The following GPR157 variants were observed in gnomAD, a reference collection of about 807,000 sequenced individuals.
GPR157 encodes G protein-coupled receptor 157.
A neutral mutation model predicts 23.5 loss-of-function variants in GPR157; 16 were observed. The ratio of observed to expected loss-of-function variants is 0.68; its 90% CI spans 0.46 to 1.04. The LOEUF (loss-of-function observed/expected upper bound fraction) is 1.04. Among genes scored for constraint, GPR157 ranks in the 50% least tolerant of loss-of-function variants. The pLI, the probability that GPR157 is intolerant of heterozygous loss-of-function variation, is 0.00. For missense variants in GPR157, 440 were observed against 460.7 expected (o/e 0.96, Z 0.41); for synonymous variants, 200 against 221.5 (o/e 0.90, Z 0.86).
chr1:9,128,823 G>T lies in GPR157; in HGVS notation c.205C>A (p.Leu69Met). ...CACGACGGGCCCGCGAAGTTCTGCA[G>T]CACTCCGTAGAAGTAGGAGGCGGCC... ...LSAASYFYGV[L>M]QNFAGPSWDC... Residue 69 changes from leucine (L) to methionine (M), a missense_variant, in exon 1 of 4, where the codon CTG (leucine) becomes ATG (methionine). By Grantham distance (15) the Leu-to-Met change is conservative. Transcript: ENST00000377411. The surrounding 1 kb of genome is among the most constrained non-coding windows in gnomAD (Gnocchi z 6.3). 1 of 1,609,086 alleles carries T rather than the reference G, an allele frequency of 6.2e-7. No homozygotes were observed. Among genetic ancestry groups the T allele is most frequent in the Non-Finnish European group, 8.5e-7 (1 of 1,178,120 alleles).
chr1:9,116,304 T>TAA (rs1557698155), intron 1 of GPR157, among the ~76,000 whole-genome samples: 539 of 11,164 alleles, frequency 0.048, 2 homozygotes, highest in East Asian at 0.083. Flanking sequence ...ATTATATATA[T>TAA]TATATTATAT....
chr1:9,103,119 A>G lies in GPR157; in HGVS notation c.*1300T>C, dbSNP rs958282139. On this transcript the variant is annotated 3_prime_UTR_variant, in exon 4 of 4. Transcript: ENST00000377411. ...GCTCCTTTTTTAAAAAAAAAAAAAA[A>G]AAAAAACTGACTCTGAAGCTTAAAA... 1 of 151,356 alleles carries G rather than the reference A, an allele frequency of 6.6e-6. No individual in the cohort carries two copies. Among genetic ancestry groups the G allele is most frequent in the Non-Finnish European group, 1.5e-5 (1 of 67,858 alleles). The allele number at this position is 151,356 out of a possible 1,614,324, so 9.4% of individuals were successfully genotyped here.
At chr1:9,109,231 T>C (rs1414860357) in intron 2 of GPR157, among the ~76,000 whole-genome samples, 1 of 151,620 alleles carries the variant, frequency 6.6e-6, no homozygotes, top group Non-Finnish European at 1.5e-5. Context: ...TCTAGGCACC[T>C]GCCACCACGC....
chr1:9,107,233 G>C (rs1204047273), intron 2 of GPR157, among the ~76,000 whole-genome samples: 2 of 152,164 alleles, frequency 1.3e-5, no homozygotes, highest in Admixed American at 6.5e-5. Flanking sequence ...ACGTGAGCTC[G>C]AGCCAGACTT....
intron 1 of GPR157, among the ~76,000 whole-genome samples, chr1:9,123,070 C>T (rs561979679): frequency 4.8e-4 from 72 of 149,966 alleles, no homozygotes; most frequent in African/African-American, 1.8e-3. Flanking sequence ...GCAGGAGAGT[C>T]ACTTGAACAC....
At position 9,128,196 on chromosome 1, in the gene GPR157, G is replaced by C; in HGVS notation, c.383+449C>G. On this transcript the variant is annotated intron_variant, in intron 1 of 3. Transcript: ENST00000377411. This position sits in a 1 kb window ranked among gnomAD's most constrained non-coding sequence, Gnocchi z 6.3. ...GCTCGGGAGTGGCGGAGTGCACCAA[G>C]CTCACTGTGGCTTGGGGTGGGGTGG... 2.2e-6 allele frequency: 1 copy of C among 452,724 alleles called. No individual in the cohort carries two copies. The highest frequency in any genetic ancestry group is 6.6e-5 in the East Asian group (1 of 15,068). 28.0% of individuals were successfully genotyped at this position (452,724 alleles called of 1,614,324 possible).
intron 1 of GPR157, among the ~76,000 whole-genome samples, chr1:9,125,132 C>T (rs1638937466): frequency 6.6e-6 from 1 of 152,198 alleles, no homozygotes; most frequent in Non-Finnish European, 1.5e-5. Flanking sequence ...TCCCACAATA[C>T]CTTACTAGCT....
chr1:9,108,355 G>A (rs1202327999), intron 2 of GPR157, among the ~76,000 whole-genome samples: 4 of 152,154 alleles, frequency 2.6e-5, no homozygotes, highest in African/African-American at 7.2e-5. Flanking sequence ...CTTCGATCCC[G>A]TTTTTCTGAA....
At chr1:9,117,525 C>T (rs61785833) in intron 1 of GPR157, among the ~76,000 whole-genome samples, 16 of 152,270 alleles carry the variant, frequency 1.1e-4, no homozygotes, top group African/African-American at 3.1e-4. Context: ...TTTGGGAGGC[C>T]GAGGTGGGCA....
Position 9,113,332 on chromosome 1 carries a change from T to C in GPR157, c.384-1843A>G, listed in dbSNP as rs568367763. 3.3e-5 allele frequency among the ~76,000 whole-genome samples: 5 copies of C among 152,256 alleles called. No homozygotes were observed. The South Asian group carries it at 1.0e-3, about 32-fold the overall frequency. On this transcript the variant is annotated intron_variant, in intron 1 of 3. Transcript: ENST00000377411. ...ATAACTGTGAGATCAGAGTTCAACATGAATCTGAGGCCAGAATGAGGCCAG... is the reference window on the plus strand; with the variant it reads ...ATAACTGTGAGATCAGAGTTCAACACGAATCTGAGGCCAGAATGAGGCCAG...
intron 2 of GPR157, among the ~76,000 whole-genome samples, chr1:9,109,334 C>T (rs1307397068): frequency 2.6e-5 from 4 of 152,086 alleles, no homozygotes; most frequent in Non-Finnish European, 4.4e-5. Context: ...CTACCTGCCT[C>T]GGCCTCCCAA....
chr1:9,100,725 G>A lies in GPR157; in HGVS notation c.*3694C>T, dbSNP rs1328297375. ...CAGATGAACATTAACCACACTAACA[G>A]AGGAGAAAGAAGCCCACTGGGGCTG... On this transcript the variant is annotated 3_prime_UTR_variant, in exon 4 of 4. Coordinates refer to ENST00000377411, the MANE Select transcript of GPR157 (RefSeq NM_024980.5). The A allele has an allele frequency of 6.6e-6, 1 of 152,284 alleles. No individual in the cohort carries two copies. Among genetic ancestry groups the A allele is most frequent in the Non-Finnish European group, 1.5e-5 (1 of 68,076 alleles). 9.4% of individuals were successfully genotyped at this position (152,284 alleles called of 1,614,324 possible).
At chr1:9,123,746 T>A (rs577898918) in intron 1 of GPR157, among the ~76,000 whole-genome samples, 2 of 118,056 alleles carry the variant, frequency 1.7e-5, no homozygotes. Flanking sequence ...ATATTTAATA[T>A]TATATATTTA....
At chr1:9,108,690 C>G (rs939787108) in intron 2 of GPR157, among the ~76,000 whole-genome samples, 2 of 152,166 alleles carry the variant, frequency 1.3e-5, no homozygotes, top group African/African-American at 4.8e-5. Flanking sequence ...ACTCTGTCAC[C>G]CAGGCTGGAA....
In GPR157 at chr1:9,120,780, G is replaced by T. The variant is rs540330763; in HGVS notation, c.383+7865C>A. Among the ~76,000 whole-genome samples, 3 of 152,328 alleles carry T rather than the reference G, an allele frequency of 2.0e-5. No individual in the cohort carries two copies. The South Asian group carries it at 6.2e-4, about 32-fold the overall frequency. Reference sequence around the variant, plus strand: ...TCTCACACCTCCTGCCAAGTTGCTGGTGCTCAGCGCTCTGCCATGAGCTTC... The same window carrying T: ...TCTCACACCTCCTGCCAAGTTGCTGTTGCTCAGCGCTCTGCCATGAGCTTC... On this transcript the variant is annotated intron_variant, in intron 1 of 3. Coordinates refer to ENST00000377411, the MANE Select transcript of GPR157 (RefSeq NM_024980.5). This position sits in a 1 kb window ranked among gnomAD's most constrained non-coding sequence, Gnocchi z 4.1.
At position 9,103,082 on chromosome 1, in the gene GPR157, C is replaced by T. The variant is rs372802879; in HGVS notation, c.*1337G>A. On this transcript the variant is annotated 3_prime_UTR_variant, in exon 4 of 4. Coordinates refer to ENST00000377411, the MANE Select transcript of GPR157 (RefSeq NM_024980.5). ...CACGCACCACCACATCAGCTCCGGG[C>T]GACAGAATGAGGCTCCTTTTTTAAA... 5.8e-5 allele frequency: 7 copies of T among 121,710 alleles called. No homozygotes were observed. Among genetic ancestry groups the T allele is most frequent in the Admixed American group, 1.0e-4 (1 of 9,738 alleles). 7.5% of individuals were successfully genotyped at this position (121,710 alleles called of 1,614,324 possible).
At position 9,105,034 on chromosome 1, in the gene GPR157, A is replaced by AACACACACACAC. The variant is rs199973020; in HGVS notation, c.793-412_793-401dup. Among the ~76,000 whole-genome samples, 587 of 117,044 alleles carry AACACACACACAC rather than the reference A, an allele frequency of 5.0e-3. 6 individuals are homozygous for AACACACACACAC. Among genetic ancestry groups the AACACACACACAC allele is most frequent in the African/African-American group, 0.016 (471 of 29,868 alleles). 76.8% of individuals were successfully genotyped at this position (117,044 alleles called of 152,430 possible). ...CCCCAAAAAAGAGAAATGGCTGAGA[A>AACACACACACAC]ACACACACACACACACACACACACA... is the stretch of plus-strand genomic sequence containing the variant. On this transcript the variant is annotated intron_variant, in intron 3 of 3. Transcript: ENST00000377411. The surrounding 1 kb of genome is among the most constrained non-coding windows in gnomAD (Gnocchi z 4.8).
In GPR157 at chr1:9,105,573, G is replaced by A. The variant is rs377254004; in HGVS notation, c.705C>T (p.Ile235=). 37 of 1,609,090 alleles carry A rather than the reference G, an allele frequency of 2.3e-5. No homozygotes were observed. Among genetic ancestry groups the A allele is most frequent in the Admixed American group, 8.5e-5 (5 of 59,110 alleles). Residue 235 remains isoleucine (I), a synonymous_variant, in exon 3 of 4, where the codon ATC becomes ATT. Coordinates refer to ENST00000377411, the MANE Select transcript of GPR157 (RefSeq NM_024980.5). The surrounding 1 kb of genome is among the most constrained non-coding windows in gnomAD (Gnocchi z 4.8). ...KKLVLIPLIF[I]GLRVWSTVRF... ...GCACGGTGCTCCAGACCCTGAGGCCGATGAAGATGAGCGGGATGAGCACCA... is the reference window on the plus strand; with the variant it reads ...GCACGGTGCTCCAGACCCTGAGGCCAATGAAGATGAGCGGGATGAGCACCA...
chr1:9,101,981 A>G lies in GPR157; in HGVS notation c.*2438T>C, dbSNP rs1022573444. 6.6e-6 allele frequency: 1 copy of G among 152,162 alleles called. No individual in the cohort carries two copies. Among genetic ancestry groups the G allele is most frequent in the African/African-American group, 2.4e-5 (1 of 41,438 alleles). The allele number at this position is 152,162 out of a possible 1,614,324, so 9.4% of individuals were successfully genotyped here. On this transcript the variant is annotated 3_prime_UTR_variant, in exon 4 of 4. Transcript: ENST00000377411. ...GTCTTTACCAGAGACATACCCAGAG[A>G]TTTGCTGTAACGTCTTCAGGGGAAT... is the stretch of plus-strand genomic sequence containing the variant.
Sources: allele counts gnomAD v4.1 joint callset (sites outside exome capture counted in the v4.1 genomes callset), GRCh38; gene constraint gnomAD v4.1.1; non-coding constraint Gnocchi (gnomAD v3.1); transcripts MANE v1.5; gene names NCBI Gene and HGNC (gene_info 2026-07-23, HGNC 2026-07-21).